ATP8A1: variants seen among roughly 807,000 people sequenced by gnomAD.
ATP8A1 encodes the protein ATPase phospholipid transporting 8A1.
ATP8A1 carries 90 observed loss-of-function variants against 177.7 expected under a neutral mutation model. That is an observed-to-expected ratio of 0.51 (90% CI 0.43 to 0.60). The LOEUF is 0.60. Among genes scored for constraint, ATP8A1 ranks in the 20% least tolerant of loss-of-function variants. The probability of loss-of-function intolerance (pLI) is 0.00; values close to 1 mark genes in which losing one functional copy is unlikely to be tolerated. For missense variants in ATP8A1, 1,072 were observed against 1,392.8 expected (o/e 0.77, Z 3.67); for synonymous variants, 493 against 485.9 (o/e 1.01, Z -0.19).
chr4:42,507,151 G>A lies in ATP8A1; in HGVS notation c.1951C>T (p.Leu651Phe). 6.2e-7 allele frequency: 1 copy of A among 1,608,804 alleles called. No homozygotes were observed. The highest frequency in any genetic ancestry group is 8.5e-7 in the Non-Finnish European group (1 of 1,178,818). The change falls in exon 23 of 37, where the codon CTT (leucine) becomes TTT (phenylalanine). Residue 651 changes from leucine (L) to phenylalanine (F), a missense_variant. Physicochemically the swap from Leu to Phe is conservative, Grantham distance 22. Coordinates refer to ENST00000381668, the MANE Select transcript of ATP8A1 (RefSeq NM_006095.2). The part of the protein sequence containing the change: ...EESYELIEKN[L>F]QLLGATAIED... The stretch of plus-strand genomic sequence containing the variant: ...ATGGCTGTTGCTCCAAGTAGCTGAA[G>A]ATTCTGAAAAAAATTAGTGGTAGAA...
At chr4:42,515,922 T>G (rs765979900) in intron 22 of ATP8A1, among the ~76,000 whole-genome samples, 3 of 152,214 alleles carry the variant, frequency 2.0e-5, no homozygotes, top group African/African-American at 4.8e-5. Context: ...TTCTGTAAAA[T>G]TATTGGCTTC....
intron 15 of ATP8A1, among the ~76,000 whole-genome samples, chr4:42,566,555 C>T (rs927795318): frequency 1.3e-5 from 2 of 152,176 alleles, no homozygotes; most frequent in Non-Finnish European, 2.9e-5. Flanking sequence ...TAACTTTACA[C>T]AAACTTGTTA....
At chr4:42,619,062 T>TC (rs1489827192) in intron 4 of ATP8A1, among the ~76,000 whole-genome samples, 1 of 152,074 alleles carries the variant, frequency 6.6e-6, no homozygotes, top group Non-Finnish European at 1.5e-5. Context: ...TTTTTGTTTT[T>TC]TTTTTGAGAT....
intron 25 of ATP8A1, among the ~76,000 whole-genome samples, chr4:42,482,014 A>G (rs776398024): frequency 9.2e-5 from 14 of 152,206 alleles, no homozygotes; most frequent in Admixed American, 2.6e-4. Context: ...ATGAAAGAAC[A>G]GTAGTTGGCC....
intron 14 of ATP8A1, among the ~76,000 whole-genome samples, chr4:42,570,975 T>C (rs1198659527): frequency 7.2e-5 from 11 of 152,222 alleles, no homozygotes; most frequent in Admixed American, 7.2e-4. Context: ...AATTAGACTA[T>C]ACACTTTAGG....
Position 42,657,100 on chromosome 4 carries a change from G to T in ATP8A1, c.-227C>A. The T allele has an allele frequency of 2.5e-6, 1 of 401,204 alleles. No individual in the cohort carries two copies. Among genetic ancestry groups the T allele is most frequent in the Non-Finnish European group, 4.3e-6 (1 of 233,942 alleles). The allele number at this position is 401,204 out of a possible 1,614,324, so 24.9% of individuals were successfully genotyped here. On this transcript the variant is annotated 5_prime_UTR_variant, in exon 1 of 37. Transcript: ENST00000381668. Reference sequence around the variant, plus strand: ...TGGCGGCGCCCGCAGAGCTGGGCGAGCTCTTGCTGCAGCCGCGGAGGGGCG... The same window carrying T: ...TGGCGGCGCCCGCAGAGCTGGGCGATCTCTTGCTGCAGCCGCGGAGGGGCG...
chr4:42,570,581 A>T lies in ATP8A1; in HGVS notation c.1296-1376T>A, dbSNP rs563616301. Among the ~76,000 whole-genome samples, 4 of 152,380 alleles carry T rather than the reference A, an allele frequency of 2.6e-5. No homozygotes were observed. The South Asian group carries it at 8.3e-4, about 32-fold the overall frequency. On this transcript the variant is annotated intron_variant, in intron 14 of 36. Transcript: ENST00000381668. ...TTAAAAGCTCCAGAGCTCAAGTGCC[A>T]GAGACCCTCTTCACAACTCTGGCGC... is the stretch of plus-strand genomic sequence containing the variant.
chr4:42,590,916 G>A (rs765540096), intron 6 of ATP8A1, 32 bp from the exon 7 acceptor site: 7 of 1,339,950 alleles, frequency 5.2e-6, no homozygotes, highest in East Asian at 2.6e-5. Context: ...AATTAAAATG[G>A]CCAAAAAAAA....
chr4:42,468,444 C>CACAG (rs1016797800), intron 25 of ATP8A1, among the ~76,000 whole-genome samples: 12 of 151,812 alleles, frequency 7.9e-5, no homozygotes, highest in African/African-American at 2.2e-4. Context: ...CACACACACA[C>CACAG]ACACACACAG....
At position 42,447,100 on chromosome 4, in the gene ATP8A1, G is replaced by A. The variant is rs187707991; in HGVS notation, c.2897-456C>T. On this transcript the variant is annotated intron_variant, in intron 30 of 36. Coordinates refer to ENST00000381668, the MANE Select transcript of ATP8A1 (RefSeq NM_006095.2). ...AACACCAGTATGGTTTCAGGCATGTGGTTCTTTGAGGATCTGGCTGAGTAT... is the reference window on the plus strand; with the variant it reads ...AACACCAGTATGGTTTCAGGCATGTAGTTCTTTGAGGATCTGGCTGAGTAT... 2.6e-5 allele frequency among the ~76,000 whole-genome samples: 4 copies of A among 152,314 alleles called. No homozygotes were observed. In the East Asian group the frequency reaches 7.7e-4, roughly 29 times the overall value.
chr4:42,613,886 AT>A (rs56982939), intron 5 of ATP8A1, among the ~76,000 whole-genome samples: 60,461 of 148,406 alleles, frequency 0.41, 13,300 homozygotes, highest in Non-Finnish European at 0.5. Context: ...GCCTGGCCTC[AT>A]TTTTTTTTTT....
rs191144093 is a variant in ATP8A1 at position 42,474,024 on chromosome 4, A to G, written c.2325-8948T>C. Among the ~76,000 whole-genome samples, 4 of 152,146 alleles carry G rather than the reference A, an allele frequency of 2.6e-5. No homozygotes were observed. The South Asian group carries it at 8.3e-4, about 32-fold the overall frequency. On this transcript the variant is annotated intron_variant, in intron 25 of 36. Coordinates refer to ENST00000381668, the MANE Select transcript of ATP8A1 (RefSeq NM_006095.2). ...CTCATGACCTTCCTATGTTGTGTGG[A>G]TAAGTTTCTCCAAGGAACCTTCTCT...
Position 42,482,720 on chromosome 4 carries a change from T to C in ATP8A1, c.2324+2776A>G, listed in dbSNP as rs115019046. ...TCTGGGAAGAAAGTGGCTGATGCAA[T>C]CCTGATGATGGAACTAACATGGAGA... On this transcript the variant is annotated intron_variant, in intron 25 of 36. Coordinates refer to ENST00000381668, the MANE Select transcript of ATP8A1 (RefSeq NM_006095.2). Among the ~76,000 whole-genome samples the C allele has an allele frequency of 5.9e-3, 896 of 152,230 alleles. 9 individuals carry two copies. Among genetic ancestry groups the C allele is most frequent in the African/African-American group, 0.02 (842 of 41,532 alleles).
At chr4:42,622,667 G>A (rs748976664) in intron 4 of ATP8A1, among the ~76,000 whole-genome samples, 2 of 151,950 alleles carry the variant, frequency 1.3e-5, no homozygotes, top group South Asian at 4.2e-4. Flanking sequence ...TCTAATATCC[G>A]GCATCTACAA....
At chr4:42,522,332 C>T (rs1726219423) in intron 21 of ATP8A1, 33 bp from the exon 22 acceptor site, 3 of 1,598,582 alleles carry the variant, frequency 1.9e-6, no homozygotes, top group South Asian at 1.1e-5. Context: ...CCCCAACACA[C>T]CAAAGATTTT....
intron 35 of ATP8A1, 106 bp from the exon 36 acceptor site, chr4:42,414,824 G>A (rs1160452462): frequency 1.7e-5 from 14 of 806,642 alleles, no homozygotes; most frequent in East Asian, 9.9e-5. Context: ...AAGATTGCTC[G>A]AGAAATCCGT....
At chr4:42,640,549 C>T (rs1387525025) in intron 1 of ATP8A1, among the ~76,000 whole-genome samples, 1 of 152,172 alleles carries the variant, frequency 6.6e-6, no homozygotes, top group Non-Finnish European at 1.5e-5. Context: ...AAAAATAGAA[C>T]CCTCAGCATC....
At chr4:42,461,003 T>C (rs1435694792) in intron 27 of ATP8A1, among the ~76,000 whole-genome samples, 1 of 152,218 alleles carries the variant, frequency 6.6e-6, no homozygotes, top group Non-Finnish European at 1.5e-5. Context: ...AGTTCACTTA[T>C]TTATCTACCA....
intron 15 of ATP8A1, among the ~76,000 whole-genome samples, chr4:42,565,496 C>T (rs1182465484): frequency 6.6e-6 from 1 of 152,194 alleles, no homozygotes; most frequent in Non-Finnish European, 1.5e-5. Flanking sequence ...GTACTATCCA[C>T]TGATAGTGTG....
Sources: gnomAD v4.1 joint callset for allele counts (sites outside exome capture counted in the v4.1 genomes callset) on GRCh38, gnomAD v4.1.1 for gene constraint, MANE v1.5 for transcripts, NCBI Gene and HGNC (gene_info 2026-07-23, HGNC 2026-07-21) for gene names.